Variants in GNAO1 observed in about 807,000 individuals in gnomAD.
GNAO1 encodes G protein subunit alpha o1.
For synonymous variants in GNAO1, 164 were observed against 180.7 expected (o/e 0.91, Z 0.74); for missense variants, 166 against 478.7 (o/e 0.35, Z 6.10).
intron 6 of GNAO1, chr16:56,344,140 C>T (rs755472833): frequency 2.2e-5 from 32 of 1,439,300 alleles, no homozygotes; most frequent in Admixed American, 8.2e-5. Context: ...AACGCAGGGG[C>T]GGGGCGGGGC....
At chr16:56,348,054 C>T (rs1297920324) in intron 6 of GNAO1, 2 of 972,802 alleles carry the variant, frequency 2.1e-6, no homozygotes, top group Non-Finnish European at 2.4e-6. Context: ...CCAACCCCAT[C>T]ACTGCTGCCC....
Position 56,351,015 on chromosome 16 carries a change from A to G in GNAO1, c.724-369A>G, listed in dbSNP as rs1383129653. Among the ~76,000 whole-genome samples the G allele has an allele frequency of 1.3e-5, 2 of 151,734 alleles. No homozygotes were observed. The highest frequency in any genetic ancestry group is 1.5e-5 in the Non-Finnish European group (1 of 67,918). ...CACACGAACACACACAGGCACACATAACAGGTGCATGCACACACACACAGG... is the reference window on the plus strand; with the variant it reads ...CACACGAACACACACAGGCACACATGACAGGTGCATGCACACACACACAGG... On this transcript the variant is annotated intron_variant, in intron 6 of 8. Coordinates refer to ENST00000262493, the MANE Select transcript of GNAO1 (RefSeq NM_020988.3). The surrounding 1 kb of genome is among the most constrained non-coding windows in gnomAD (Gnocchi z 6.1).
At chr16:56,309,543 C>G (rs1341266648) in intron 3 of GNAO1, among the ~76,000 whole-genome samples, 1 of 152,216 alleles carries the variant, frequency 6.6e-6, no homozygotes, top group Non-Finnish European at 1.5e-5. Flanking sequence ...AGCAGGAGGT[C>G]TGCGGGCTTG....
At chr16:56,321,862 G>A (rs1108656) in intron 3 of GNAO1, among the ~76,000 whole-genome samples, 121,838 of 152,174 alleles carry the variant, frequency 0.8, 49,193 homozygotes, top group East Asian at 0.95. Flanking sequence ...TCTGCCCCGC[G>A]TAAAATACTC....
chr16:56,232,128 T>A (rs1489404896), intron 2 of GNAO1, among the ~76,000 whole-genome samples: 4 of 151,786 alleles, frequency 2.6e-5, no homozygotes, highest in Non-Finnish European at 5.9e-5. Flanking sequence ...AAAAAAAAAA[T>A]GTTTCCTTTA....
intron 2 of GNAO1, chr16:56,194,330 C>G (rs2036211201): frequency 4.4e-6 from 2 of 451,678 alleles, no homozygotes; most frequent in Non-Finnish European, 8.9e-6. Context: ...CTGTCTGGAG[C>G]CCTTGCAGAT....
chr16:56,204,914 T>C (rs559845295), intron 2 of GNAO1, among the ~76,000 whole-genome samples: 39 of 152,236 alleles, frequency 2.6e-4, no homozygotes, highest in Middle Eastern at 3.4e-3. Flanking sequence ...TCTATAAGCT[T>C]CTACTCAAGT....
At chr16:56,244,099 A>C (rs544721459) in intron 2 of GNAO1, among the ~76,000 whole-genome samples, 1 of 152,146 alleles carries the variant, frequency 6.6e-6, no homozygotes, top group African/African-American at 2.4e-5. Context: ...ACTCTTGGCC[A>C]CTCGCCATGC....
At chr16:56,240,401 G>A (rs1265005000) in intron 2 of GNAO1, among the ~76,000 whole-genome samples, 1 of 152,200 alleles carries the variant, frequency 6.6e-6, no homozygotes, top group Non-Finnish European at 1.5e-5. Flanking sequence ...TGGGGAGGCA[G>A]TGTGAACACC....
intron 2 of GNAO1, 129 bp downstream of exon 2, chr16:56,192,745 C>T (rs2036190480): frequency 1.5e-6 from 1 of 672,300 alleles, no homozygotes; most frequent in Non-Finnish European, 2.7e-6. Context: ...CACACACACA[C>T]ACACACCCCT....
Position 56,291,976 on chromosome 16 carries a change from A to G in GNAO1, c.303+15904A>G, listed in dbSNP as rs542285421. ...TTGCCTTGGGGATTAGGTTTTGAGCACGCGAATTGTGGACGGACACAGATA... is the reference window on the plus strand; with the variant it reads ...TTGCCTTGGGGATTAGGTTTTGAGCGCGCGAATTGTGGACGGACACAGATA... On this transcript the variant is annotated intron_variant, in intron 3 of 8. Coordinates refer to ENST00000262493, the MANE Select transcript of GNAO1 (RefSeq NM_020988.3). 2.0e-5 allele frequency among the ~76,000 whole-genome samples: 3 copies of G among 152,342 alleles called. No homozygotes were observed. The South Asian group carries it at 6.2e-4, about 32-fold the overall frequency.
chr16:56,261,733 A>G (rs1245303627), intron 2 of GNAO1, among the ~76,000 whole-genome samples: 1 of 152,046 alleles, frequency 6.6e-6, no homozygotes, highest in Non-Finnish European at 1.5e-5. Context: ...GCAAAATGGG[A>G]TGGGGGCAGC....
chr16:56,348,940 A>T (rs1454537759), intron 6 of GNAO1, among the ~76,000 whole-genome samples: 2 of 152,124 alleles, frequency 1.3e-5, no homozygotes, highest in African/African-American at 4.8e-5. Context: ...GACTGTGATC[A>T]TCTTTCTCCA....
At chr16:56,335,127 G>A (rs2037728239) in intron 5 of GNAO1, among the ~76,000 whole-genome samples, 1 of 152,212 alleles carries the variant, frequency 6.6e-6, no homozygotes, top group Admixed American at 6.5e-5. Context: ...GCCTGTCCCT[G>A]AGGTGACTTC....
At chr16:56,208,169 G>A (rs2036347904) in intron 2 of GNAO1, among the ~76,000 whole-genome samples, 2 of 152,066 alleles carry the variant, frequency 1.3e-5, no homozygotes, top group African/African-American at 4.8e-5. Context: ...TGTAGCTGGA[G>A]TTGATTTTCA....
At chr16:56,196,081 A>C (rs1340466084) in intron 2 of GNAO1, among the ~76,000 whole-genome samples, 1 of 152,130 alleles carries the variant, frequency 6.6e-6, no homozygotes, top group Non-Finnish European at 1.5e-5. Context: ...TCATTTGAAA[A>C]GCCTGATTCT....
At chr16:56,289,033 A>AAG (rs61481553) in intron 3 of GNAO1, among the ~76,000 whole-genome samples, 40,318 of 135,810 alleles carry the variant, frequency 0.3, 5,442 homozygotes, top group Middle Eastern at 0.37. Flanking sequence ...TATCCAAAAA[A>AAG]GGGGGGGGGA....
At chr16:56,343,655 T>A in intron 6 of GNAO1, 1 of 813,906 alleles carries the variant, frequency 1.2e-6, no homozygotes, top group Admixed American at 2.4e-5. Context: ...TGCAGTTGTC[T>A]CTGAGAGGCC....
In GNAO1 at chr16:56,351,341, C is replaced by T; in HGVS notation, c.724-43C>T. Reference sequence around the variant, plus strand: ...TTCTCTTTCCCTGTCTCTGTGTCTCCCTCCCGCTGTCTGTCCTCTCTCCTC... The same window carrying T: ...TTCTCTTTCCCTGTCTCTGTGTCTCTCTCCCGCTGTCTGTCCTCTCTCCTC... On this transcript the variant is annotated intron_variant, in intron 6 of 8. Coordinates refer to ENST00000262493, the MANE Select transcript of GNAO1 (RefSeq NM_020988.3). This position sits in a 1 kb window ranked among gnomAD's most constrained non-coding sequence, Gnocchi z 6.1. 1.3e-6 allele frequency: 2 copies of T among 1,487,096 alleles called. No homozygotes were observed. Among genetic ancestry groups the T allele is most frequent in the Middle Eastern group, 3.4e-4 (2 of 5,824 alleles). 92.1% of individuals were successfully genotyped at this position (1,487,096 alleles called of 1,614,324 possible).
Sources: allele counts gnomAD v4.1 joint callset (sites outside exome capture counted in the v4.1 genomes callset), GRCh38; gene constraint gnomAD v4.1.1; non-coding constraint Gnocchi (gnomAD v3.1); transcripts MANE v1.5; gene names NCBI Gene and HGNC (gene_info 2026-07-23, HGNC 2026-07-21).